SETBP1: variants seen among roughly 807,000 people sequenced by gnomAD.
SETBP1 encodes SET binding protein 1.
A neutral mutation model predicts 101.0 loss-of-function variants in SETBP1; 9 were observed. That is an observed-to-expected ratio of 0.09 (90% CI 0.05 to 0.16). The LOEUF (loss-of-function observed/expected upper bound fraction) is 0.16. Among genes scored for constraint, SETBP1 ranks in the 10% least tolerant of loss-of-function variants. The probability of loss-of-function intolerance (pLI) is 1.00; values close to 1 mark genes in which losing one functional copy is unlikely to be tolerated. For missense variants in SETBP1, 1,858 were observed against 2,033.8 expected, an observed-to-expected ratio of 0.91 and a Z score of 1.66; for synonymous variants, 818 against 788.5, an observed-to-expected ratio of 1.04 and a Z score of -0.63.
At chr18:45,023,157 A>C (rs968042532) in intron 4 of SETBP1, among the ~76,000 whole-genome samples, 6 of 152,338 alleles carry the variant, frequency 3.9e-5, no homozygotes, top group African/African-American at 1.4e-4. Flanking sequence ...TATCTATGTT[A>C]ACATAAATTC....
intron 2 of SETBP1, among the ~76,000 whole-genome samples, chr18:44,713,015 G>A (rs1599022005): frequency 7.5e-6 from 1 of 134,136 alleles, no homozygotes; most frequent in Non-Finnish European, 1.5e-5. Context: ...CTGAAGGGCA[G>A]TGGTGTGATC....
intron 3 of SETBP1, among the ~76,000 whole-genome samples, chr18:44,936,671 C>T (rs940709353): frequency 3.3e-5 from 5 of 152,140 alleles, no homozygotes; most frequent in South Asian, 2.1e-4. Flanking sequence ...ACCTGGTCCT[C>T]GGATGCCAGC....
At chr18:44,681,818 T>C (rs963398643) in intron 1 of SETBP1, among the ~76,000 whole-genome samples, 1 of 152,178 alleles carries the variant, frequency 6.6e-6, no homozygotes, top group African/African-American at 2.4e-5. Flanking sequence ...TAAACTGTCC[T>C]GATAATCTCA....
chr18:45,002,230 A>C (rs1334913044), intron 4 of SETBP1, among the ~76,000 whole-genome samples: 1 of 152,006 alleles, frequency 6.6e-6, no homozygotes, highest in East Asian at 1.9e-4. Context: ...CAGCTTTCAG[A>C]TCTGCGATCT....
At chr18:44,940,985 A>G (rs995054392) in intron 3 of SETBP1, among the ~76,000 whole-genome samples, 2 of 151,582 alleles carry the variant, frequency 1.3e-5, no homozygotes, top group Admixed American at 1.3e-4. Flanking sequence ...TTCGCTGGAT[A>G]TATAAATTTG....
At chr18:44,937,240 T>C (rs112892299) in intron 3 of SETBP1, among the ~76,000 whole-genome samples, 18,957 of 151,224 alleles carry the variant, frequency 0.13, 1,402 homozygotes, top group East Asian at 0.32. Flanking sequence ...ATCACGAGGT[T>C]AGGAGATCGA....
chr18:44,736,728 G>A (rs191693929), intron 2 of SETBP1, among the ~76,000 whole-genome samples: 1 of 152,166 alleles, frequency 6.6e-6, no homozygotes, highest in African/African-American at 2.4e-5. Context: ...TCTACGTACA[G>A]TTCTCTCATA....
chr18:44,984,062 G>A (rs149423327), intron 4 of SETBP1, among the ~76,000 whole-genome samples: 2,271 of 152,226 alleles, frequency 0.015, 50 homozygotes, highest in East Asian at 0.12. Flanking sequence ...TTAGCCGGGC[G>A]TGGTTGCATG....
intron 2 of SETBP1, among the ~76,000 whole-genome samples, chr18:44,849,669 TGA>T (rs3085859): frequency 0.79 from 117,856 of 148,498 alleles, 46,549 homozygotes; most frequent in African/African-American, 0.83. Context: ...AGCACTGGGA[TGA>T]GAGAGAGAGA....
At chr18:44,790,690 T>C (rs1042652478) in intron 2 of SETBP1, among the ~76,000 whole-genome samples, 2 of 152,212 alleles carry the variant, frequency 1.3e-5, no homozygotes, top group African/African-American at 4.8e-5. Flanking sequence ...CCAAAATGCC[T>C]TGGTCTGACC....
At chr18:44,784,071 T>G (rs566110580) in intron 2 of SETBP1, among the ~76,000 whole-genome samples, 4 of 152,310 alleles carry the variant, frequency 2.6e-5, no homozygotes, top group Admixed American at 6.5e-5. Context: ...TGTCTTCCGA[T>G]CTGGAAGATG....
At chr18:45,058,740 A>T (rs1182001487) in intron 5 of SETBP1, among the ~76,000 whole-genome samples, 1 of 152,262 alleles carries the variant, frequency 6.6e-6, no homozygotes, top group African/African-American at 2.4e-5. Flanking sequence ...GAAAAACCCT[A>T]AAGATTATAA....
chr18:44,809,747 G>A (rs1376875357), intron 2 of SETBP1, among the ~76,000 whole-genome samples: 1 of 152,206 alleles, frequency 6.6e-6, no homozygotes, highest in East Asian at 1.9e-4. Flanking sequence ...AAACCCAAGT[G>A]TTAGGAAGCC....
intron 2 of SETBP1, among the ~76,000 whole-genome samples, chr18:44,832,146 T>C (rs1391302136): frequency 6.6e-6 from 1 of 152,208 alleles, no homozygotes; most frequent in Non-Finnish European, 1.5e-5. Context: ...TTATGATTTT[T>C]GACTGTCAGG....
chr18:44,999,562 T>G (rs777543738), intron 4 of SETBP1, among the ~76,000 whole-genome samples: 3 of 152,204 alleles, frequency 2.0e-5, no homozygotes, highest in Non-Finnish European at 4.4e-5. Context: ...GATCATGAAG[T>G]TGGTGCTTTG....
intron 4 of SETBP1, among the ~76,000 whole-genome samples, chr18:45,013,747 T>C (rs192535731): frequency 0.011 from 1,665 of 152,324 alleles, 21 homozygotes; most frequent in Middle Eastern, 0.027. Flanking sequence ...CCTGACTGTT[T>C]CTGAGCAGCA....
chr18:45,033,456 A>G (rs926062753), intron 4 of SETBP1, among the ~76,000 whole-genome samples: 1 of 152,160 alleles, frequency 6.6e-6, no homozygotes, highest in Non-Finnish European at 1.5e-5. Context: ...ATGCATATCA[A>G]AGCTCTTTGC....
At chr18:44,754,949 G>A (rs746413853) in intron 2 of SETBP1, among the ~76,000 whole-genome samples, 5 of 152,182 alleles carry the variant, frequency 3.3e-5, no homozygotes, top group Non-Finnish European at 7.4e-5. Flanking sequence ...CAATAGGTTG[G>A]TATTGATTTG....
Position 45,063,869 on chromosome 18 carries a change from G to A in SETBP1, c.*171G>A, listed in dbSNP as rs2073933547. On this transcript the variant is annotated 3_prime_UTR_variant, in exon 6 of 6. Coordinates refer to ENST00000649279, the MANE Select transcript of SETBP1 (RefSeq NM_015559.3). ...GGGGCTGAGCCATCAGGAGCTCTTG[G>A]GAAAGCAAAGCAGGGAGACACCTTC... 1.5e-6 allele frequency: 1 copy of A among 664,802 alleles called. No homozygotes were observed. The highest frequency in any genetic ancestry group is 2.5e-6 in the Non-Finnish European group (1 of 396,090). 41.2% of individuals were successfully genotyped at this position (664,802 alleles called of 1,614,324 possible).
Sources: allele counts gnomAD v4.1 joint callset (sites outside exome capture counted in the v4.1 genomes callset), GRCh38; gene constraint gnomAD v4.1.1; transcripts MANE v1.5; gene names NCBI Gene and HGNC (gene_info 2026-07-23, HGNC 2026-07-21).